Variants in IGFBP2 observed in about 807,000 individuals in gnomAD.
IGFBP2 encodes insulin like growth factor binding protein 2.
In IGFBP2, 12 loss-of-function variants were observed where a neutral mutation model predicts 26.2. The ratio of observed to expected loss-of-function variants is 0.46; its 90% CI spans 0.29 to 0.74. The LOEUF (loss-of-function observed/expected upper bound fraction) is 0.74, where lower values mean the gene tolerates loss of function less well. Ranked by LOEUF, IGFBP2 falls within the 30% of genes least tolerant of loss-of-function variation. The pLI is 0.09. For missense variants in IGFBP2, 328 were observed against 441.2 expected, an observed-to-expected ratio of 0.74 and a Z score of 2.30; for synonymous variants, 189 against 200.6, an observed-to-expected ratio of 0.94 and a Z score of 0.49.
Position 216,633,724 on chromosome 2 carries a change from G to A in IGFBP2, c.201G>A (p.Val67=). 2 of 1,242,062 alleles carry A rather than the reference G, an allele frequency of 1.6e-6. No individual in the cohort carries two copies. The highest frequency in any genetic ancestry group is 2.0e-6 in the Non-Finnish European group (2 of 994,670). The allele number at this position is 1,242,062 out of a possible 1,614,324, so 76.9% of individuals were successfully genotyped here. ...PVAPPAAVAA[V]AGGARMPCAE... ...CGCCGCCCGCCGCGGTGGCCGCAGT[G>A]GCCGGAGGCGCCCGCATGCCATGCG... The change falls in exon 1 of 4, where the codon GTG becomes GTA. Residue 67 remains valine, a synonymous_variant. Coordinates refer to ENST00000233809, the MANE Select transcript of IGFBP2 (RefSeq NM_000597.3).
At position 216,660,802 on chromosome 2, in the gene IGFBP2, G is replaced by A; in HGVS notation, c.672+16G>A. The A allele has an allele frequency of 1.3e-6, 2 of 1,556,984 alleles. No homozygotes were observed. Among genetic ancestry groups the A allele is most frequent in the Non-Finnish European group, 1.7e-6 (2 of 1,150,668 alleles). ...CCCTGCCAGGGTCAGTGAGGGTCAG[G>A]TCTGGTGGAAGGGGTGGGAGGACAA... On this transcript the variant is annotated intron_variant, in intron 2 of 3. Transcript: ENST00000233809.
In IGFBP2 at chr2:216,659,821, G is replaced by C. The variant is rs1002828293; in HGVS notation, c.443-736G>C. On this transcript the variant is annotated intron_variant, in intron 1 of 3. Transcript: ENST00000233809. ...CTCTCAGTATAATGGGGTTGGGGTG[G>C]GCTGCACAGACAGACTTGGGAACGA... 6.7e-6 allele frequency: 8 copies of C among 1,193,866 alleles called. 1 individual carries two copies. The African/African-American group carries it at 1.2e-4, about 18-fold the overall frequency. The allele number at this position is 1,193,866 out of a possible 1,614,324, so 74.0% of individuals were successfully genotyped here.
rs774938267 is a variant in IGFBP2 at position 216,636,282 on chromosome 2, C to A, written c.442+2317C>A. Among the ~76,000 whole-genome samples, 4 of 152,210 alleles carry A rather than the reference C, an allele frequency of 2.6e-5. No homozygotes were observed. The East Asian group carries it at 7.7e-4, about 29-fold the overall frequency. The stretch of plus-strand genomic sequence containing the variant: ...CCTCTCCGAAGAATGAGCACCCCCC[C>A]TCCAGCCTGCATTCCTCTTTGAGCA... On this transcript the variant is annotated intron_variant, in intron 1 of 3. Coordinates refer to ENST00000233809, the MANE Select transcript of IGFBP2 (RefSeq NM_000597.3).
At position 216,664,263 on chromosome 2, in the gene IGFBP2, C is replaced by T. The variant is rs1045894451; in HGVS notation, c.*159C>T. On this transcript the variant is annotated 3_prime_UTR_variant, in exon 4 of 4. Coordinates refer to ENST00000233809, the MANE Select transcript of IGFBP2 (RefSeq NM_000597.3). This position sits in a 1 kb window ranked among gnomAD's most constrained non-coding sequence, Gnocchi z 4.6. The stretch of plus-strand genomic sequence containing the variant: ...ACCAGCACCGAGCTCGGCACCTCCC[C>T]GGCCTCTCTCTTCCCAGCTGCAGAT... 2.9e-5 allele frequency: 15 copies of T among 519,686 alleles called. No homozygotes were observed. The highest frequency in any genetic ancestry group is 4.2e-5 in the Non-Finnish European group (13 of 308,068). 32.2% of individuals were successfully genotyped at this position (519,686 alleles called of 1,614,324 possible). A position where few individuals can be genotyped will look rare whatever the true frequency, so the allele number is the denominator to read the frequency against.
At chr2:216,647,425 C>T (rs1351998651) in intron 1 of IGFBP2, among the ~76,000 whole-genome samples, 4 of 152,216 alleles carry the variant, frequency 2.6e-5, no homozygotes, top group Non-Finnish European at 5.9e-5. Context: ...TGGACTCAGG[C>T]TAGAGTGCTG....
intron 1 of IGFBP2, 116 bp downstream of exon 1, chr2:216,634,081 A>T: frequency 7.2e-7 from 1 of 1,384,882 alleles, no homozygotes; most frequent in East Asian, 2.9e-5. Context: ...CCTTGGACCA[A>T]ATCAAGGGGG....
At position 216,633,564 on chromosome 2, in the gene IGFBP2, C is replaced by T. The variant is rs377689849; in HGVS notation, c.41C>T (p.Pro14Leu). 1.4e-4 allele frequency: 9 copies of T among 64,224 alleles called. No individual in the cohort carries two copies. The highest frequency in any genetic ancestry group is 1.7e-4 in the Non-Finnish European group (7 of 41,424). The allele number at this position is 64,224 out of a possible 1,614,324, so 4.0% of individuals were successfully genotyped here. A position where few individuals can be genotyped will look rare whatever the true frequency, so the allele number is the denominator to read the frequency against. ...GGCTGCCCCGCGCTGCCGCTGCCGCCGCCGCCGCTGCTGCCGCTGCTGCTG... is the reference window on the plus strand; with the variant it reads ...GGCTGCCCCGCGCTGCCGCTGCCGCTGCCGCCGCTGCTGCCGCTGCTGCTG... ...RVGCPALPLP[P>L]PPLLPLLLLL... The change falls in exon 1 of 4, where the codon CCG (proline) becomes CTG (leucine). Residue 14 changes from proline (P) to leucine (L), a missense_variant. Transcript: ENST00000233809.
intron 1 of IGFBP2, among the ~76,000 whole-genome samples, chr2:216,636,921 AGGCAGGCGGGCGGGCG>A (rs1296781580): frequency 6.9e-5 from 1 of 14,556 alleles, no homozygotes; most frequent in Non-Finnish European, 1.5e-4. Context: ...ACAGGCAGGC[AGGCAGGCGGGCGGGCG>A]GGCGGGCGGG....
chr2:216,661,700 C>T lies in IGFBP2; in HGVS notation c.673-158C>T, dbSNP rs73065700. On this transcript the variant is annotated intron_variant, in intron 2 of 3. Coordinates refer to ENST00000233809, the MANE Select transcript of IGFBP2 (RefSeq NM_000597.3). ...GCACCCAGCATGGCAGGGAGATCCC[C>T]GGGCAGGCTGTCAGAAGTCCCTGTG... 25 of 813,516 alleles carry T rather than the reference C, an allele frequency of 3.1e-5. 1 individual carries two copies. The highest frequency in any genetic ancestry group is 1.6e-4 in the Admixed American group (8 of 49,634). 50.4% of individuals were successfully genotyped at this position (813,516 alleles called of 1,614,324 possible).
At chr2:216,638,725 A>T (rs1177230481) in intron 1 of IGFBP2, among the ~76,000 whole-genome samples, 1 of 150,752 alleles carries the variant, frequency 6.6e-6, no homozygotes, top group Non-Finnish European at 1.5e-5. Flanking sequence ...TTTGAGACGG[A>T]GACTCGCTCT....
intron 1 of IGFBP2, among the ~76,000 whole-genome samples, chr2:216,643,849 A>G (rs898886123): frequency 8.5e-5 from 13 of 152,268 alleles, no homozygotes; most frequent in African/African-American, 2.9e-4. Context: ...GTAGGTCCAG[A>G]GAAATGTGTT....
chr2:216,634,837 C>T (rs1040643599), intron 1 of IGFBP2, among the ~76,000 whole-genome samples: 1 of 143,050 alleles, frequency 7.0e-6, no homozygotes, highest in South Asian at 2.3e-4. Context: ...GTTCAGGGGC[C>T]CTCATCCCTC....
At chr2:216,644,784 C>T (rs919750740) in intron 1 of IGFBP2, among the ~76,000 whole-genome samples, 1 of 152,274 alleles carries the variant, frequency 6.6e-6, no homozygotes, top group East Asian at 1.9e-4. Context: ...GTTTTAGCCT[C>T]GAGATTCTCT....
At chr2:216,634,092 A>T in intron 1 of IGFBP2, 127 bp downstream of exon 1, 2 of 1,357,734 alleles carry the variant, frequency 1.5e-6, no homozygotes, top group Non-Finnish European at 9.6e-7. Flanking sequence ...ATCAAGGGGG[A>T]CTGTTGCTAG....
In IGFBP2 at chr2:216,633,631, G is replaced by A; in HGVS notation, c.108G>A (p.Ala36=). 1 of 1,034,132 alleles carries A rather than the reference G, an allele frequency of 9.7e-7. No homozygotes were observed. Among genetic ancestry groups the A allele is most frequent in the African/African-American group, 1.7e-5 (1 of 58,034 alleles). 64.1% of individuals were successfully genotyped at this position (1,034,132 alleles called of 1,614,324 possible). The part of the protein sequence containing the change: ...GASGGGGGAR[A]EVLFRCPPCT... ...GTGGCGGCGGCGGCGGGGCGCGCGC[G>A]GAGGTGCTGTTCCGCTGCCCGCCCT... is the stretch of plus-strand genomic sequence containing the variant. The change falls in exon 1 of 4, where the codon GCG becomes GCA. Residue 36 remains alanine, a synonymous_variant. Coordinates refer to ENST00000233809, the MANE Select transcript of IGFBP2 (RefSeq NM_000597.3).
At position 216,633,960 on chromosome 2, in the gene IGFBP2, T is replaced by G. The variant is rs756795557; in HGVS notation, c.437T>G (p.Val146Gly). ...GAGTATGGCGCCAGCCCGGAGCAGGTTGCAGGTAACGCGGTCTGGAACAAG... is the reference window on the plus strand; with the variant it reads ...GAGTATGGCGCCAGCCCGGAGCAGGGTGCAGGTAACGCGGTCTGGAACAAG... Reference protein sequence around the residue: ...DAEYGASPEQVADNGDDHSEG... With the variant: ...DAEYGASPEQGADNGDDHSEG... The change falls in exon 1 of 4, where the codon GTT becomes GGT. Residue 146 changes from valine to glycine, a missense_variant. Val to Gly is a moderately radical substitution (Grantham distance 109). Coordinates refer to ENST00000233809, the MANE Select transcript of IGFBP2 (RefSeq NM_000597.3). 2 of 1,599,776 alleles carry G rather than the reference T, an allele frequency of 1.3e-6. No homozygotes were observed. The highest frequency in any genetic ancestry group is 2.7e-5 in the African/African-American group (2 of 74,674).
chr2:216,648,374 T>C (rs1697755871), intron 1 of IGFBP2, among the ~76,000 whole-genome samples: 1 of 152,192 alleles, frequency 6.6e-6, no homozygotes, highest in South Asian at 2.1e-4. Context: ...TTCTGACTCA[T>C]TTCCGAGTTC....
At chr2:216,653,845 C>G (rs910573408) in intron 1 of IGFBP2, among the ~76,000 whole-genome samples, 25 of 152,142 alleles carry the variant, frequency 1.6e-4, no homozygotes, top group African/African-American at 6.0e-4. Context: ...ACCCATTTCC[C>G]TAGGTGCTAT....
chr2:216,650,155 A>G (rs1697790984), intron 1 of IGFBP2, among the ~76,000 whole-genome samples: 1 of 152,226 alleles, frequency 6.6e-6, no homozygotes, highest in African/African-American at 2.4e-5. Context: ...TTCAACATAC[A>G]GATTCCTTAG....
Sources: gnomAD v4.1 joint callset for allele counts (sites outside exome capture counted in the v4.1 genomes callset) on GRCh38, gnomAD v4.1.1 for gene constraint, Gnocchi (gnomAD v3.1) non-coding constraint, MANE v1.5 for transcripts, NCBI Gene and HGNC (gene_info 2026-07-23, HGNC 2026-07-21) for gene names.